FRY: variants seen among roughly 807,000 people sequenced by gnomAD.
FRY encodes the protein protein furry homolog.
In FRY, 128 loss-of-function variants were observed where a neutral mutation model predicts 348.4. That is an observed-to-expected ratio of 0.37 (90% confidence interval 0.32 to 0.43). The LOEUF (loss-of-function observed/expected upper bound fraction) is 0.43. FRY is among the 20% of genes least tolerant of loss of function. The pLI, the probability that FRY is intolerant of heterozygous loss-of-function variation, is 1.00. For synonymous variants in FRY, 1,370 were observed against 1,374.7 expected (o/e 1.00, Z 0.08); for missense variants, 2,736 against 3,695.2 (o/e 0.74, Z 6.73).
At chr13:32,181,407 C>T (rs1882700763) in intron 23 of FRY, among the ~76,000 whole-genome samples, 1 of 151,240 alleles carries the variant, frequency 6.6e-6, no homozygotes, top group Non-Finnish European at 1.5e-5. Context: ...CCAGCCTGGG[C>T]AACATGGTGA....
chr13:32,213,007 A>G (rs974533253), intron 35 of FRY, among the ~76,000 whole-genome samples: 6 of 152,156 alleles, frequency 3.9e-5, no homozygotes, highest in African/African-American at 1.4e-4. Context: ...ACCAGGAGAG[A>G]AAAACAAAAC....
At chr13:32,095,337 CTTTTTTTTT>C (rs61006034) in intron 2 of FRY, among the ~76,000 whole-genome samples, 17 of 58,290 alleles carry the variant, frequency 2.9e-4, no homozygotes, top group Non-Finnish European at 3.5e-4. Context: ...TGTATGGAAG[CTTTTTTTTT>C]TTTTTTTTTT....
Position 32,224,299 on chromosome 13 carries a change from C to T in FRY, c.4830C>T (p.Pro1610=). 2 of 1,614,068 alleles carry T rather than the reference C, an allele frequency of 1.2e-6. No homozygotes were observed. Among genetic ancestry groups the T allele is most frequent in the Non-Finnish European group, 1.7e-6 (2 of 1,179,972 alleles). ...TTACAGAGACCAAGCAGCCGCAGCC[C>T]TTACCGATGCCTTGTACTGGAGGAT... ...LTITETKQPQ[P]LPMPCTGGCW... The change falls in exon 37 of 61, where the codon CCC becomes CCT. Residue 1610 remains proline, a synonymous_variant. Coordinates refer to ENST00000542859, the MANE Select transcript of FRY (RefSeq NM_023037.3).
chr13:32,193,847 C>G (rs917741432), intron 28 of FRY, among the ~76,000 whole-genome samples: 3 of 151,936 alleles, frequency 2.0e-5, no homozygotes, highest in Non-Finnish European at 2.9e-5. Flanking sequence ...CTCAGCCTCC[C>G]AAAGTGCTGG....
Position 32,262,298 on chromosome 13 carries a change from T to C in FRY, c.7618-16T>C, listed in dbSNP as rs1027071055. 1 of 1,605,674 alleles carries C rather than the reference T, an allele frequency of 6.2e-7. No individual in the cohort carries two copies. Among genetic ancestry groups the C allele is most frequent in the African/African-American group, 1.3e-5 (1 of 74,740 alleles). ...GAACTTCATACTATGTTTAATTTCC[T>C]TTGCTTTTTAAACAGATCATGACTC... On this transcript the variant is annotated splice_polypyrimidine_tract_variant and intron_variant, in intron 52 of 60. Coordinates refer to ENST00000542859, the MANE Select transcript of FRY (RefSeq NM_023037.3).
chr13:32,081,836 T>C (rs1322309400), intron 2 of FRY, among the ~76,000 whole-genome samples: 2 of 152,218 alleles, frequency 1.3e-5, no homozygotes, highest in Non-Finnish European at 2.9e-5. Flanking sequence ...AGAGGTGTTA[T>C]TTTTGATGTA....
At chr13:32,061,761 C>T (rs1030847810) in intron 1 of FRY, among the ~76,000 whole-genome samples, 3 of 152,192 alleles carry the variant, frequency 2.0e-5, no homozygotes, top group African/African-American at 7.2e-5. Flanking sequence ...GTCCAAATTG[C>T]ATGCCACTGC....
chr13:32,190,281 C>G (rs1883262109), intron 28 of FRY, among the ~76,000 whole-genome samples: 1 of 152,034 alleles, frequency 6.6e-6, no homozygotes. Context: ...AGGAAGCTTA[C>G]TGTCACCACC....
chr13:32,080,533 T>C (rs1875408368), intron 2 of FRY, among the ~76,000 whole-genome samples: 1 of 152,218 alleles, frequency 6.6e-6, no homozygotes, highest in Non-Finnish European at 1.5e-5. Flanking sequence ...TTGTCAGTCT[T>C]TGCACGGTCC....
intron 1 of FRY, among the ~76,000 whole-genome samples, chr13:32,052,942 C>T (rs111698748): frequency 0.01 from 1,572 of 152,212 alleles, 34 homozygotes; most frequent in African/African-American, 0.036. Flanking sequence ...GGTGAAACCC[C>T]GTCTCTACTA....
At chr13:32,175,489 G>C (rs759252699) in intron 19 of FRY, 57 bp from the exon 20 acceptor site, 5 of 1,016,952 alleles carry the variant, frequency 4.9e-6, no homozygotes, top group Non-Finnish European at 7.9e-6. Flanking sequence ...GAAGGCGGTG[G>C]GGTGGGTGGG....
intron 1 of FRY, among the ~76,000 whole-genome samples, chr13:32,044,426 C>T (rs1872911170): frequency 6.6e-6 from 1 of 152,188 alleles, no homozygotes; most frequent in African/African-American, 2.4e-5. Flanking sequence ...ATGTTTCAGC[C>T]ACAGTGCTAA....
At position 32,164,308 on chromosome 13, in the gene FRY, T is replaced by G. The variant is rs1050069138; in HGVS notation, c.1892+3057T>G. Among the ~76,000 whole-genome samples the G allele has an allele frequency of 5.3e-5, 8 of 152,332 alleles. 1 individual carries two copies. In the South Asian group the frequency reaches 1.2e-3, roughly 24 times the overall value. ...ACCTGTTATTTCTGACACTTCACAG[T>G]CTCATCCGTGGTACACTTTTTATTT... On this transcript the variant is annotated intron_variant, in intron 17 of 60. Transcript: ENST00000542859.
chr13:32,250,173 G>A (rs1887004924), intron 49 of FRY, among the ~76,000 whole-genome samples: 1 of 152,184 alleles, frequency 6.6e-6, no homozygotes, highest in Admixed American at 6.5e-5. Flanking sequence ...AAGGGGCGGG[G>A]GTACTGCTGC....
Position 32,228,646 on chromosome 13 carries a change from C to G in FRY, c.5397C>G (p.Leu1799=). ...AGGCAAACAAGCTCATTGAGTTTCT[C>G]ACGACCAGGTAATAAGGGGTTAGGA... ...DEKANKLIEF[L]TTRAFGPLWC... The change falls in exon 40 of 61, where the codon CTC becomes CTG. Residue 1799 remains leucine (L), a synonymous_variant. Coordinates refer to ENST00000542859, the MANE Select transcript of FRY (RefSeq NM_023037.3). 1 of 1,614,008 alleles carries G rather than the reference C, an allele frequency of 6.2e-7. No homozygotes were observed. Among genetic ancestry groups the G allele is most frequent in the Non-Finnish European group, 8.5e-7 (1 of 1,179,880 alleles).
Position 32,171,054 on chromosome 13 carries a change from A to C in FRY, c.1935A>C (p.Gln645His). The change falls in exon 18 of 61, where the codon CAA becomes CAC. Residue 645 changes from glutamine to histidine, a missense_variant. Gln to His is a conservative substitution (Grantham distance 24, BLOSUM62 0). Coordinates refer to ENST00000542859, the MANE Select transcript of FRY (RefSeq NM_023037.3). ...HMDDELRHIAQNSLQGLLVDF... is the reference protein window; with the variant it reads ...HMDDELRHIAHNSLQGLLVDF... ...ATGATGAATTGCGACATATTGCACAAAATTCTCTTCAGGGTTTACTTGTTG... is the reference window on the plus strand; with the variant it reads ...ATGATGAATTGCGACATATTGCACACAATTCTCTTCAGGGTTTACTTGTTG... 1 of 1,611,694 alleles carries C rather than the reference A, an allele frequency of 6.2e-7. No individual in the cohort carries two copies. The highest frequency in any genetic ancestry group is 8.5e-7 in the Non-Finnish European group (1 of 1,177,792).
At chr13:32,243,183 C>T (rs1412178669) in intron 46 of FRY, among the ~76,000 whole-genome samples, 1 of 152,172 alleles carries the variant, frequency 6.6e-6, no homozygotes, top group Non-Finnish European at 1.5e-5. Context: ...ATTAAAAAGA[C>T]AATTGTGTAT....
intron 28 of FRY, among the ~76,000 whole-genome samples, chr13:32,190,916 C>T (rs536037116): frequency 3.3e-5 from 5 of 152,202 alleles, no homozygotes; most frequent in East Asian, 1.9e-4. Flanking sequence ...TTACTATAAA[C>T]GTATGGTCAT....
intron 1 of FRY, among the ~76,000 whole-genome samples, chr13:32,069,264 A>G (rs1874467060): frequency 1.3e-5 from 2 of 152,112 alleles, no homozygotes; most frequent in African/African-American, 2.4e-5. Flanking sequence ...AAGTCCCTCT[A>G]ACGGCTAAAA....
Sources: gnomAD v4.1 joint callset for allele counts (sites outside exome capture counted in the v4.1 genomes callset) on GRCh38, gnomAD v4.1.1 for gene constraint, MANE v1.5 for transcripts, NCBI Gene and HGNC (gene_info 2026-07-23, HGNC 2026-07-21) for gene names.